Variants in CLCN5 observed in about 807,000 individuals in gnomAD.
CLCN5 encodes the protein H(+)/Cl(-) exchange transporter 5.
Under a neutral mutation model 54.0 loss-of-function variants are expected in CLCN5, and 17 were observed. The observed-to-expected ratio is 0.31, with a 90% CI of 0.22 to 0.47. The LOEUF (loss-of-function observed/expected upper bound fraction) is 0.47, where lower values mean the gene tolerates loss of function less well. Ranked by LOEUF, CLCN5 falls within the 20% of genes least tolerant of loss-of-function variation. CLCN5 has a pLI of 1.00. For missense variants in CLCN5, 448 were observed against 646.7 expected, an observed-to-expected ratio of 0.69 and a Z score of 3.33; for synonymous variants, 222 against 233.0, an observed-to-expected ratio of 0.95 and a Z score of 0.43.
chrX:49,982,445 A>C (rs1312210563), intron 3 of CLCN5, among the ~76,000 whole-genome samples: 1 of 111,584 alleles, frequency 9.0e-6, no homozygotes, highest in Non-Finnish European at 1.9e-5. Flanking sequence ...AAAAGAGAAC[A>C]TAAACCCCCC....
chrX:50,034,401 T>A (rs782617061), intron 3 of CLCN5, among the ~76,000 whole-genome samples: 1 of 112,029 alleles, frequency 8.9e-6, no homozygotes, highest in South Asian at 3.7e-4. Context: ...ATAATGCATC[T>A]CTAATCCCCT....
chrX:49,958,128 C>T (rs1927423544), intron 3 of CLCN5, among the ~76,000 whole-genome samples: 1 of 111,771 alleles, frequency 8.9e-6, no homozygotes, highest in African/African-American at 3.3e-5. Flanking sequence ...TCCCTTCCTC[C>T]TCCTCATTTC....
At position 50,001,926 on chromosome X, in the gene CLCN5, C is replaced by T. The variant is rs1004724940; in HGVS notation, c.17-40390C>T. Reference sequence around the variant, plus strand: ...AATGTTGTCATCTTACTTGACAGATCAACACACAGTTGATCACTCCCTCTG... The same window carrying T: ...AATGTTGTCATCTTACTTGACAGATTAACACACAGTTGATCACTCCCTCTG... On this transcript the variant is annotated intron_variant, in intron 3 of 14. Transcript: ENST00000376091. Among the ~76,000 whole-genome samples the T allele has an allele frequency of 2.7e-5, 3 of 110,140 alleles. No homozygotes were observed. In the South Asian group the frequency reaches 1.2e-3, roughly 45 times the overall value.
chrX:50,090,919 G>A lies in CLCN5; in HGVS notation c.2360+33G>A, dbSNP rs1557194743. 8.2e-6 allele frequency: 9 copies of A among 1,093,554 alleles called. No individual in the cohort carries two copies. The Admixed American group carries it at 1.3e-4, about 16-fold the overall frequency. 90.1% of individuals were successfully genotyped at this position (1,093,554 alleles called of 1,213,427 possible). ...GTCTTGAGTGAAGTCAAATTGAATT[G>A]TGGGAGAAAGAGAATGCAGAGATAG... On this transcript the variant is annotated intron_variant, in intron 14 of 14. Transcript: ENST00000376091.
intron 3 of CLCN5, among the ~76,000 whole-genome samples, chrX:49,957,225 C>T (rs920786649): frequency 6.3e-5 from 7 of 111,017 alleles, no homozygotes; most frequent in African/African-American, 2.0e-4. Context: ...GCTTGAACCC[C>T]GGAGGTGGAG....
intron 3 of CLCN5, among the ~76,000 whole-genome samples, chrX:49,979,563 T>C (rs1166552984): frequency 4.5e-5 from 5 of 111,974 alleles, no homozygotes; most frequent in African/African-American, 1.6e-4. Context: ...GCCAACTCAA[T>C]TTGTTTGTCA....
chrX:50,077,621 AGTGTGTGTGTGT>A (rs34262397), intron 7 of CLCN5, among the ~76,000 whole-genome samples: 813 of 78,681 alleles, frequency 0.01, 7 homozygotes, highest in Middle Eastern at 0.055. Flanking sequence ...AGAGAGAGAG[AGTGTGTGTGTGT>A]GTGTGTGTGT....
At chrX:50,034,413 C>T (rs1440294737) in intron 3 of CLCN5, among the ~76,000 whole-genome samples, 2 of 111,967 alleles carry the variant, frequency 1.8e-5, no homozygotes, top group Non-Finnish European at 3.8e-5. Context: ...TAATCCCCTT[C>T]TTCCTCTTGC....
intron 3 of CLCN5, among the ~76,000 whole-genome samples, chrX:49,961,760 TC>T (rs1927606256): frequency 8.9e-6 from 1 of 111,864 alleles, no homozygotes; most frequent in African/African-American, 3.3e-5. Flanking sequence ...ATATGGTTTT[TC>T]TTTGTCACAG....
chrX:49,994,466 G>A (rs1259957477), intron 3 of CLCN5, among the ~76,000 whole-genome samples: 1 of 110,877 alleles, frequency 9.0e-6, no homozygotes, highest in Non-Finnish European at 1.9e-5. Flanking sequence ...TATAATATAA[G>A]CTAAAAAGGG....
intron 4 of CLCN5, among the ~76,000 whole-genome samples, chrX:50,048,205 C>T (rs187957941): frequency 8.9e-6 from 1 of 112,374 alleles, no homozygotes; most frequent in Non-Finnish European, 1.9e-5. Flanking sequence ...ATGCGCAGTT[C>T]ACAAATAAGG....
Position 50,086,849 on chromosome X carries a change from T to C in CLCN5, c.1536T>C (p.Thr512=), listed in dbSNP as rs1933907851. The C allele has an allele frequency of 8.3e-7, 1 of 1,208,964 alleles. No homozygotes were observed. The highest frequency in any genetic ancestry group is 1.1e-6 in the Non-Finnish European group (1 of 894,751). Residue 512 remains threonine, a synonymous_variant, in exon 11 of 15, where the codon ACT becomes ACC. Transcript: ENST00000376091. ...ALTLILKIVI[T]IFTFGMKIPS... ...CACTCATACTGAAAATTGTCATTACTATATTCACCTTTGGCATGAAGGTGA... is the reference window on the plus strand; with the variant it reads ...CACTCATACTGAAAATTGTCATTACCATATTCACCTTTGGCATGAAGGTGA...
At chrX:49,982,994 G>A (rs781809670) in intron 3 of CLCN5, among the ~76,000 whole-genome samples, 1 of 112,046 alleles carries the variant, frequency 8.9e-6, no homozygotes, top group Admixed American at 9.5e-5. Flanking sequence ...TGGTATAACT[G>A]GTATACAAAA....
Position 50,075,912 on chromosome X carries a change from T to A in CLCN5, c.533T>A (p.Val178Asp). Residue 178 changes from valine to aspartate, a missense_variant, in exon 7 of 15, where the codon GTC (valine) becomes GAC (aspartate). By Grantham distance (152) the Val-to-Asp change is radical. This residue lies in a region of CLCN5 where 41 missense variants were observed against 71.3 expected (regional missense o/e 0.58). Coordinates refer to ENST00000376091, the MANE Select transcript of CLCN5 (RefSeq NM_001127898.4). ...CATTGTTGCTGGAACTCTGAGCATGTCACCTTTGAAGAGAGAGACAAATGT... is the reference window on the plus strand; with the variant it reads ...CATTGTTGCTGGAACTCTGAGCATGACACCTTTGAAGAGAGAGACAAATGT... The part of the protein sequence containing the change: ...HEHCCWNSEH[V>D]TFEERDKCPE... The A allele has an allele frequency of 8.3e-7, 1 of 1,211,594 alleles. No homozygotes were observed. The highest frequency in any genetic ancestry group is 1.1e-6 in the Non-Finnish European group (1 of 895,129).
chrX:49,964,266 A>G (rs1226932291), intron 3 of CLCN5, among the ~76,000 whole-genome samples: 1 of 112,542 alleles, frequency 8.9e-6, no homozygotes, highest in Non-Finnish European at 1.9e-5. Context: ...TGTTAGTGAA[A>G]AGTGTAGCTT....
intron 3 of CLCN5, among the ~76,000 whole-genome samples, chrX:49,962,628 C>T (rs1927655113): frequency 8.9e-6 from 1 of 112,053 alleles, no homozygotes; most frequent in Non-Finnish European, 1.9e-5. Context: ...CATGAATCCT[C>T]TGGAGTGTTG....
chrX:50,073,646 A>G (rs1422353483), intron 6 of CLCN5, among the ~76,000 whole-genome samples: 2 of 111,915 alleles, frequency 1.8e-5, no homozygotes, highest in Non-Finnish European at 3.8e-5. Context: ...GTAGAATGTG[A>G]CTGTAGCAAA....
chrX:50,059,991 G>T (rs782713899), intron 4 of CLCN5, among the ~76,000 whole-genome samples: 4 of 104,273 alleles, frequency 3.8e-5, no homozygotes, highest in Admixed American at 1.1e-4. Context: ...GATAATATAA[G>T]TGAATTCTTT....
At chrX:49,978,381 T>C (rs1251641485) in intron 3 of CLCN5, among the ~76,000 whole-genome samples, 1 of 112,552 alleles carries the variant, frequency 8.9e-6, no homozygotes, top group South Asian at 3.7e-4. Flanking sequence ...TCCTCAACCA[T>C]TGAATGGCGA....
Sources: gnomAD v4.1 joint callset for allele counts (sites outside exome capture counted in the v4.1 genomes callset) on GRCh38, gnomAD v4.1.1 for gene constraint, gnomAD v4.1.1 regional missense constraint, MANE v1.5 for transcripts, NCBI Gene and HGNC (gene_info 2026-07-23, HGNC 2026-07-21) for gene names.